Variants in PKHD1L1 observed in about 807,000 individuals in gnomAD.
PKHD1L1 encodes PKHD1 like 1, also known as fibrocystin-L.
In PKHD1L1, 434 loss-of-function variants were observed where a neutral mutation model predicts 462.9. That is an observed-to-expected ratio of 0.94 (90% CI 0.87 to 1.02). PKHD1L1 has a LOEUF of 1.02. PKHD1L1 is among the 50% of genes least tolerant of loss of function. PKHD1L1 has a pLI of 0.00. For missense variants in PKHD1L1, 5,202 were observed against 5,096.1 expected (o/e 1.02, Z -0.63); for synonymous variants, 1,781 against 1,750.0 (o/e 1.02, Z -0.44).
chr8:109,367,914 A>T (rs1042862226), intron 2 of PKHD1L1, among the ~76,000 whole-genome samples: 3 of 152,196 alleles, frequency 2.0e-5, no homozygotes, highest in Non-Finnish European at 4.4e-5. Context: ...AAAACAAAAT[A>T]AAACCTCACA....
chr8:109,374,359 C>T (rs906384700), intron 2 of PKHD1L1, among the ~76,000 whole-genome samples: 15 of 152,108 alleles, frequency 9.9e-5, no homozygotes, highest in African/African-American at 3.4e-4. Context: ...CTTGGTAGAT[C>T]GTCCTCCATC....
rs747769014 is a variant in PKHD1L1, at chr8:109,477,200, TA to T, written c.8918-23del. 30 of 1,611,902 alleles carry T rather than the reference TA, an allele frequency of 1.9e-5. No individual in the cohort carries two copies. In the South Asian group the frequency reaches 2.9e-4, roughly 15 times the overall value. ...AAGTACTTTGGTCACTATGTTCATT[TA>T]ACCCACTTTTACTTCACTTTCAGTG... On this transcript the variant is annotated intron_variant, in intron 52 of 77. Transcript: ENST00000378402.
At position 109,362,645 on chromosome 8, in the gene PKHD1L1, C is replaced by A. The variant is rs1022022909; in HGVS notation, c.65C>A (p.Pro22His). The A allele has an allele frequency of 1.9e-6, 3 of 1,602,802 alleles. No homozygotes were observed. Among genetic ancestry groups the A allele is most frequent in the Non-Finnish European group, 2.6e-6 (3 of 1,174,752 alleles). The change falls in exon 1 of 78, where the codon CCC becomes CAC. Residue 22 changes from proline to histidine, a missense_variant. Physicochemically the swap from Pro to His is moderately conservative, Grantham distance 77. Around this residue, in one of 3 missense-constraint regions of PKHD1L1, gnomAD observed 4,497 missense variants for 4,336.8 expected, o/e 1.04. Transcript: ENST00000378402. ...LCGLLLCAAD[P>H]STDGSQIIPK... Reference sequence around the variant, plus strand: ...GGGCTGCTCCTGTGTGCCGCGGATCCCAGCACAGGTAACCCTTTGGGCACG... The same window carrying A: ...GGGCTGCTCCTGTGTGCCGCGGATCACAGCACAGGTAACCCTTTGGGCACG...
intron 63 of PKHD1L1, among the ~76,000 whole-genome samples, chr8:109,495,318 G>T (rs1162212137): frequency 6.6e-6 from 1 of 151,946 alleles, no homozygotes; most frequent in East Asian, 1.9e-4. Flanking sequence ...TATCCTTATG[G>T]ATTTTTCAAC....
At chr8:109,527,888 T>A (rs1270446667) in intron 77 of PKHD1L1, among the ~76,000 whole-genome samples, 1 of 152,234 alleles carries the variant, frequency 6.6e-6, no homozygotes, top group East Asian at 1.9e-4. Context: ...CCCAAAGCTA[T>A]GTCATTGACC....
At position 109,490,954 on chromosome 8, in the gene PKHD1L1, T is replaced by A; in HGVS notation, c.9985-18T>A. On this transcript the variant is annotated intron_variant, in intron 60 of 77. Transcript: ENST00000378402. ...AATTTTATTTTAAAAATGTTCTCTG[T>A]ATCCCAATGTTGTATAGATTCAAGA... 6.4e-7 allele frequency: 1 copy of A among 1,569,370 alleles called. No individual in the cohort carries two copies. Among genetic ancestry groups the A allele is most frequent in the Non-Finnish European group, 8.6e-7 (1 of 1,156,502 alleles).
chr8:109,416,185 G>A (rs1215675519), intron 21 of PKHD1L1, among the ~76,000 whole-genome samples: 5 of 152,166 alleles, frequency 3.3e-5, no homozygotes, highest in African/African-American at 1.2e-4. Flanking sequence ...AAACACAAAA[G>A]TCATGCTTCA....
At position 109,400,110 on chromosome 8, in the gene PKHD1L1, T is replaced by C. The variant is rs775315344; in HGVS notation, c.1047T>C (p.Asn349=). 15 of 1,613,372 alleles carry C rather than the reference T, an allele frequency of 9.3e-6. No individual in the cohort carries two copies. In the East Asian group the frequency reaches 1.8e-4, roughly 19 times the overall value. The change falls in exon 13 of 78, where the codon AAT becomes AAC. Residue 349 remains asparagine, a synonymous_variant. Coordinates refer to ENST00000378402, the MANE Select transcript of PKHD1L1 (RefSeq NM_177531.6). ...GCCTGAAGCTTGAGGTGTGGAATAA[T>C]AGCCGTCCAATACGTTTGGAAGAGA... ...GRGLKLEVWN[N]SRPIRLEEIL...
At chr8:109,394,557 A>C in intron 10 of PKHD1L1, 72 bp downstream of exon 10, 1 of 1,018,250 alleles carries the variant, frequency 9.8e-7, no homozygotes, top group Non-Finnish European at 1.4e-6. Flanking sequence ...AATCAAACCA[A>C]AGACAATGAG....
chr8:109,461,572 G>A (rs2124980), intron 47 of PKHD1L1, among the ~76,000 whole-genome samples, 200 bp from the exon 48 acceptor site: 2,233 of 152,084 alleles, frequency 0.015, 60 homozygotes, highest in African/African-American at 0.05. Flanking sequence ...AAGTACTTTA[G>A]GGAATACAAA....
At chr8:109,444,629 C>T in intron 37 of PKHD1L1, 32 bp from the exon 38 acceptor site, 1 of 1,576,408 alleles carries the variant, frequency 6.3e-7, no homozygotes, top group Non-Finnish European at 8.6e-7. Flanking sequence ...TATGTATTGA[C>T]TTGTTTTATT....
chr8:109,527,879 C>T (rs995853569), intron 77 of PKHD1L1, among the ~76,000 whole-genome samples: 4 of 152,308 alleles, frequency 2.6e-5, no homozygotes, highest in Middle Eastern at 3.4e-3. Context: ...GAGAAAAGCC[C>T]CAAAGCTATG....
intron 59 of PKHD1L1, among the ~76,000 whole-genome samples, chr8:109,487,633 T>G (rs1818599212): frequency 6.6e-6 from 1 of 151,912 alleles, no homozygotes; most frequent in African/African-American, 2.4e-5. Flanking sequence ...ATTGAGTGAT[T>G]GCATTCCTGG....
At chr8:109,500,917 T>C (rs1282855421) in intron 67 of PKHD1L1, among the ~76,000 whole-genome samples, 2 of 152,114 alleles carry the variant, frequency 1.3e-5, no homozygotes, top group Non-Finnish European at 2.9e-5. Flanking sequence ...GAGGTAGGTA[T>C]AACTTTATTT....
rs1490107963 is a variant in PKHD1L1 at position 109,405,129 on chromosome 8, T to C, written c.1668T>C (p.Thr556=). 6.9e-7 allele frequency: 1 copy of C among 1,443,506 alleles called. No individual in the cohort carries two copies. Among genetic ancestry groups the C allele is most frequent in the Non-Finnish European group, 9.5e-7 (1 of 1,054,274 alleles). 89.4% of individuals were successfully genotyped at this position (1,443,506 alleles called of 1,614,324 possible). Residue 556 remains threonine (T), a splice_region_variant and synonymous_variant, in exon 16 of 78, where the codon ACT becomes ACC. Transcript: ENST00000378402. ...QYRLIYNMEK[T]VFLPADASEF... is the part of the protein sequence containing the mutation. ...GATTAATCTATAATATGGAAAAAAC[T>C]GGTAAGTTATAAATAATAAGGGAGA...
chr8:109,490,986 C>G lies in PKHD1L1; in HGVS notation c.9999C>G (p.Gly3333=). 6.2e-7 allele frequency: 1 copy of G among 1,605,924 alleles called. No homozygotes were observed. Among genetic ancestry groups the G allele is most frequent in the Non-Finnish European group, 8.5e-7 (1 of 1,174,400 alleles). Residue 3333 remains glycine, a synonymous_variant, in exon 61 of 78, where the codon GGC becomes GGG. Coordinates refer to ENST00000378402, the MANE Select transcript of PKHD1L1 (RefSeq NM_177531.6). ...FLNLGQIQEH[G]SSYIRGCAFH... is the part of the protein sequence containing the mutation. ...ATGTTGTATAGATTCAAGAACATGG[C>G]TCATCTTATATTCGAGGCTGTGCTT...
intron 21 of PKHD1L1, among the ~76,000 whole-genome samples, chr8:109,415,864 GGTGTGT>G (rs552265043): frequency 1.2e-3 from 117 of 100,408 alleles, no homozygotes; most frequent in Middle Eastern, 4.4e-3. Context: ...AAAAAAAAGG[GGTGTGT>G]GTGTGTGTGT....
In PKHD1L1 at chr8:109,477,307, C is replaced by A; in HGVS notation, c.9000C>A (p.Phe3000Leu). The A allele has an allele frequency of 6.2e-7, 1 of 1,613,562 alleles. No individual in the cohort carries two copies. Among genetic ancestry groups the A allele is most frequent in the East Asian group, 2.2e-5 (1 of 44,848 alleles). ...DPDVKDVVIN[F>L]QAYCCILQDC... is the part of the protein sequence containing the mutation. ...ATGTGAAAGACGTTGTTATTAATTT[C>A]CAAGCTTACTGTTGTATTCTCCAGG... Residue 3000 changes from phenylalanine (F) to leucine (L), a missense_variant, in exon 53 of 78, where the codon TTC (phenylalanine) becomes TTA (leucine). Physicochemically the swap from Phe to Leu is conservative, Grantham distance 22. Coordinates refer to ENST00000378402, the MANE Select transcript of PKHD1L1 (RefSeq NM_177531.6).
chr8:109,421,591 G>A (rs2130648948), intron 23 of PKHD1L1, among the ~76,000 whole-genome samples: 1 of 152,148 alleles, frequency 6.6e-6, no homozygotes, highest in Non-Finnish European at 1.5e-5. Context: ...GACCATCCGG[G>A]CTAACATGGT....
Sources: gnomAD v4.1 joint callset for allele counts (sites outside exome capture counted in the v4.1 genomes callset) on GRCh38, gnomAD v4.1.1 for gene constraint, gnomAD v4.1.1 regional missense constraint, MANE v1.5 for transcripts, NCBI Gene and HGNC (gene_info 2026-07-23, HGNC 2026-07-21) for gene names.